Variants in SLC24A2 observed in about 807,000 individuals in gnomAD.
SLC24A2 encodes the protein sodium/potassium/calcium exchanger 2.
A neutral mutation model predicts 62.0 loss-of-function variants in SLC24A2; 36 were observed. That is an observed-to-expected ratio of 0.58 (90% CI 0.44 to 0.77). The LOEUF (loss-of-function observed/expected upper bound fraction) is 0.77, where lower values mean the gene tolerates loss of function less well. SLC24A2 is among the 30% of genes least tolerant of loss of function. The pLI is 0.00. For synonymous variants in SLC24A2, 358 were observed against 294.0 expected (o/e 1.22, Z -2.23); for missense variants, 846 against 817.9 (o/e 1.03, Z -0.42).
At chr9:19,960,432 C>T in the SLC24A2 span, among the ~76,000 whole-genome samples, 3 of 152,216 alleles carry the variant, frequency 2.0e-5, no homozygotes, top group East Asian at 5.8e-4. Context: ...GTTTGGAAAC[C>T]AATGAGGTGG....
At chr9:19,921,933 T>C in the SLC24A2 span, among the ~76,000 whole-genome samples, 1 of 152,208 alleles carries the variant, frequency 6.6e-6, no homozygotes, top group Admixed American at 6.5e-5. Context: ...GAAGTCTCTA[T>C]TGATGTAAGA....
chr9:20,194,912 G>T, the SLC24A2 span, among the ~76,000 whole-genome samples: 2 of 151,926 alleles, frequency 1.3e-5, no homozygotes, highest in African/African-American at 4.8e-5. Context: ...TCCACTGCTA[G>T]AAATAAATAA....
chr9:19,994,544 T>C, the SLC24A2 span, among the ~76,000 whole-genome samples: 117,921 of 152,078 alleles, frequency 0.78, 46,747 homozygotes, highest in Non-Finnish European at 0.87. Flanking sequence ...AAGTCATGCC[T>C]AAGAGGAATT....
intron 2 of SLC24A2, among the ~76,000 whole-genome samples, chr9:19,760,541 C>T (rs546527737): frequency 6.6e-6 from 1 of 151,848 alleles, no homozygotes; most frequent in South Asian, 2.1e-4. Flanking sequence ...CCAACAGGCT[C>T]CTGTGTGATG....
the SLC24A2 span, among the ~76,000 whole-genome samples, chr9:19,805,042 G>A: frequency 2.0e-5 from 3 of 152,068 alleles, no homozygotes; most frequent in African/African-American, 7.2e-5. Context: ...TATTAAAGCT[G>A]ACATAATTTG....
At chr9:20,188,248 C>A in the SLC24A2 span, among the ~76,000 whole-genome samples, 2 of 152,198 alleles carry the variant, frequency 1.3e-5, no homozygotes, top group African/African-American at 4.8e-5. Context: ...GGACAGTGGA[C>A]CCCTGGTTTC....
At chr9:19,565,224 T>C (rs1054323214) in intron 7 of SLC24A2, among the ~76,000 whole-genome samples, 2 of 151,962 alleles carry the variant, frequency 1.3e-5, no homozygotes, top group African/African-American at 4.8e-5. Flanking sequence ...CCCCATTGTC[T>C]CAGCCCAAAA....
the SLC24A2 span, among the ~76,000 whole-genome samples, chr9:19,877,424 T>A: frequency 6.8e-6 from 1 of 147,794 alleles, no homozygotes; most frequent in Admixed American, 6.7e-5. Context: ...ACCATTTTCA[T>A]AACCAATTTA....
the SLC24A2 span, among the ~76,000 whole-genome samples, chr9:19,895,547 T>TTTCTTTCTTTC: frequency 5.1e-5 from 2 of 39,284 alleles, no homozygotes; most frequent in African/African-American, 1.0e-4. Flanking sequence ...TCTTTCTTTC[T>TTTCTTTCTTTC]TTTTTTTTTT....
At chr9:19,780,660 T>C (rs1018883118) in intron 2 of SLC24A2, among the ~76,000 whole-genome samples, 6 of 151,096 alleles carry the variant, frequency 4.0e-5, no homozygotes, top group African/African-American at 1.5e-4. Context: ...CTGAGGCAGG[T>C]GGATCACGAG....
chr9:20,064,637 T>C, the SLC24A2 span, among the ~76,000 whole-genome samples: 2 of 152,208 alleles, frequency 1.3e-5, no homozygotes, highest in Non-Finnish European at 2.9e-5. Flanking sequence ...CCATTGGAAA[T>C]GTAAACAGGA....
At chr9:20,305,215 C>G in the SLC24A2 span, among the ~76,000 whole-genome samples, 4 of 149,820 alleles carry the variant, frequency 2.7e-5, no homozygotes, top group African/African-American at 9.9e-5. Flanking sequence ...TCAAGTGATT[C>G]TCCTGCCTCA....
chr9:20,006,617 T>A, the SLC24A2 span, among the ~76,000 whole-genome samples: 1 of 151,996 alleles, frequency 6.6e-6, no homozygotes, highest in African/African-American at 2.4e-5. Flanking sequence ...CCACAAAAAT[T>A]AAAAAATAAA....
At chr9:19,622,201 C>T (rs1046045832) in intron 3 of SLC24A2, 60 bp downstream of exon 3, 11 of 1,469,820 alleles carry the variant, frequency 7.5e-6, no homozygotes, top group African/African-American at 2.8e-5. Flanking sequence ...TCACTCCCAC[C>T]CCTGCCCCAC....
At chr9:20,214,605 ACT>A in the SLC24A2 span, among the ~76,000 whole-genome samples, 6 of 148,396 alleles carry the variant, frequency 4.0e-5, no homozygotes, top group African/African-American at 1.2e-4. Context: ...ACAGAGTGAG[ACT>A]CTGTCTCAAA....
the SLC24A2 span, among the ~76,000 whole-genome samples, chr9:20,128,605 G>C: frequency 4.6e-5 from 7 of 152,194 alleles, no homozygotes; most frequent in South Asian, 2.1e-4. Flanking sequence ...GAATATATTT[G>C]TAGTGTGAAG....
At chr9:20,031,239 GTGT>G in the SLC24A2 span, among the ~76,000 whole-genome samples, 533 of 149,786 alleles carry the variant, frequency 3.6e-3, 6 homozygotes, top group South Asian at 0.04. Context: ...CTGTGTGTGT[GTGT>G]TATTTCTCTA....
chr9:19,682,263 C>T (rs1411948469), intron 2 of SLC24A2, among the ~76,000 whole-genome samples: 6 of 152,118 alleles, frequency 3.9e-5, no homozygotes, highest in African/African-American at 9.7e-5. Flanking sequence ...AGGCAGCACA[C>T]GTGAAATGAC....
chr9:20,242,565 G>C, the SLC24A2 span, among the ~76,000 whole-genome samples: 3 of 152,198 alleles, frequency 2.0e-5, no homozygotes, highest in East Asian at 1.9e-4. Context: ...TGTGAGTGCA[G>C]GGAAGGGCAG....
Sources: allele counts gnomAD v4.1 joint callset (sites outside exome capture counted in the v4.1 genomes callset), GRCh38; gene constraint gnomAD v4.1.1; transcripts MANE v1.5; gene names NCBI Gene and HGNC (gene_info 2026-07-23, HGNC 2026-07-21).